The following CNTN3 variants were observed in gnomAD, a reference collection of about 807,000 sequenced individuals.
CNTN3 encodes the protein contactin 3.
A neutral mutation model predicts 119.1 loss-of-function variants in CNTN3; 60 were observed. That is an observed-to-expected ratio of 0.50 (90% CI 0.41 to 0.62). CNTN3 has a LOEUF of 0.62. Among genes scored for constraint, CNTN3 ranks in the 20% least tolerant of loss-of-function variants. CNTN3 has a pLI of 0.00. For synonymous variants in CNTN3, 450 were observed against 438.7 expected (o/e 1.03, Z -0.32); for missense variants, 1,101 against 1,242.4 (o/e 0.89, Z 1.71).
chr3:74,367,438 C>G (rs1704225650), intron 8 of CNTN3, among the ~76,000 whole-genome samples: 1 of 152,002 alleles, frequency 6.6e-6, no homozygotes. Context: ...AGAAACATGA[C>G]ATTATTCTCT....
chr3:74,524,950 A>G (rs1703594730), intron 1 of CNTN3, among the ~76,000 whole-genome samples: 1 of 151,902 alleles, frequency 6.6e-6, no homozygotes, highest in East Asian at 1.9e-4. Flanking sequence ...CACGTGGCAA[A>G]GCTCAGCGTG....
chr3:74,446,762 T>A (rs149856089), intron 4 of CNTN3, among the ~76,000 whole-genome samples: 1 of 151,744 alleles, frequency 6.6e-6, no homozygotes, highest in East Asian at 1.9e-4. Flanking sequence ...TATATTTCTA[T>A]TGGACAGTGC....
rs758833846 is a variant in CNTN3, at chr3:74,369,265, T to C, written c.870A>G (p.Glu290=). ...GVLEIPNFQQ[E]DAGSYECIAE... The stretch of plus-strand genomic sequence containing the variant: ...CAATGCATTCATAGGAACCTGCATC[T>C]TCCTGTTGGAAGTTGGGGATTTCAA... The change falls in exon 8 of 23, where the codon GAA becomes GAG. Residue 290 remains glutamate, a synonymous_variant. Coordinates refer to ENST00000263665, the MANE Select transcript of CNTN3 (RefSeq NM_020872.3). 1.4e-5 allele frequency: 22 copies of C among 1,611,606 alleles called. No homozygotes were observed. Among genetic ancestry groups the C allele is most frequent in the Non-Finnish European group, 1.9e-5 (22 of 1,178,882 alleles).
chr3:74,403,697 T>C (rs1364723395), intron 5 of CNTN3, among the ~76,000 whole-genome samples: 1 of 152,130 alleles, frequency 6.6e-6, no homozygotes, highest in Non-Finnish European at 1.5e-5. Context: ...TTATAAGAAA[T>C]AGGAGCCTAT....
In CNTN3 at chr3:74,366,581, T is replaced by C. The variant is rs117544096; in HGVS notation, c.947-879A>G. ...GTGTACTGTGGGATTCACATTTGCA[T>C]CCTCCATATGGAGAAACAGTTTATC... On this transcript the variant is annotated intron_variant, in intron 8 of 22. Transcript: ENST00000263665. 5.4e-3 allele frequency among the ~76,000 whole-genome samples: 827 copies of C among 151,802 alleles called. 23 individuals carry two copies. The highest frequency in any genetic ancestry group is 0.04 in the Admixed American group (605 of 15,172).
chr3:74,559,044 A>T (rs2107171462), intron 1 of CNTN3, among the ~76,000 whole-genome samples: 1 of 151,204 alleles, frequency 6.6e-6, no homozygotes, highest in African/African-American at 2.4e-5. Flanking sequence ...TAACTAAATA[A>T]CCTAAGGCAT....
At chr3:74,355,372 G>T (rs775182724) in intron 11 of CNTN3, among the ~76,000 whole-genome samples, 54 of 152,168 alleles carry the variant, frequency 3.5e-4, no homozygotes, top group Non-Finnish European at 5.1e-4. Context: ...GTTTTGCTCA[G>T]ACAGGTGGAT....
At position 74,361,920 on chromosome 3, in the gene CNTN3, T is replaced by C. The variant is rs1354914994; in HGVS notation, c.1334A>G (p.Lys445Arg). Residue 445 changes from lysine to arginine, a missense_variant, in exon 11 of 23, where the codon AAG becomes AGG. Lys to Arg is a conservative substitution (Grantham distance 26, BLOSUM62 2). Coordinates refer to ENST00000263665, the MANE Select transcript of CNTN3 (RefSeq NM_020872.3). ...ASPRALSSWK[K>R]GDVSVQEHER... ...ATGCTCCTGCACGCTCACATCCCCC[T>C]TCTTCCAGGAAGAGAGTGCCCTTGG... 4 of 1,613,546 alleles carry C rather than the reference T, an allele frequency of 2.5e-6. No individual in the cohort carries two copies. Among genetic ancestry groups the C allele is most frequent in the Non-Finnish European group, 3.4e-6 (4 of 1,179,656 alleles).
rs558312085 is a variant in CNTN3, at chr3:74,591,102, TAC to T, written c.-81+23287_-81+23288del. Among the ~76,000 whole-genome samples, 607 of 152,044 alleles carry T rather than the reference TAC, an allele frequency of 4.0e-3. 6 individuals are homozygous for T. Among genetic ancestry groups the T allele is most frequent in the African/African-American group, 0.014 (577 of 41,496 alleles). ...TCCGGTGTAGTCACGGCTAATCATT[TAC>T]AGAGTAAAACAACAGATTATATTAC... On this transcript the variant is annotated intron_variant, in intron 1 of 22. Coordinates refer to ENST00000263665, the MANE Select transcript of CNTN3 (RefSeq NM_020872.3).
At chr3:74,538,299 C>T (rs900467482) in intron 1 of CNTN3, among the ~76,000 whole-genome samples, 2 of 151,970 alleles carry the variant, frequency 1.3e-5, no homozygotes, top group Non-Finnish European at 2.9e-5. Context: ...TTGTTGGGTG[C>T]AATAAGAATG....
At chr3:74,428,867 T>C (rs1701738620) in intron 4 of CNTN3, among the ~76,000 whole-genome samples, 1 of 152,154 alleles carries the variant, frequency 6.6e-6, no homozygotes, top group Admixed American at 6.6e-5. Context: ...GTACTGTACA[T>C]TTTCTATGCT....
At chr3:74,407,825 C>T (rs1403669216) in intron 5 of CNTN3, among the ~76,000 whole-genome samples, 1 of 152,124 alleles carries the variant, frequency 6.6e-6, no homozygotes, top group Non-Finnish European at 1.5e-5. Context: ...GATGGTAGCA[C>T]TCCTCAGGGC....
At chr3:74,356,138 C>A (rs1372882850) in intron 11 of CNTN3, among the ~76,000 whole-genome samples, 5 of 152,028 alleles carry the variant, frequency 3.3e-5, no homozygotes, top group African/African-American at 9.7e-5. Flanking sequence ...GCCCCTTCTA[C>A]CATGTGAGGA....
At chr3:74,392,058 G>A (rs1180949990) in intron 5 of CNTN3, among the ~76,000 whole-genome samples, 1 of 151,950 alleles carries the variant, frequency 6.6e-6, no homozygotes, top group Non-Finnish European at 1.5e-5. Flanking sequence ...TGAGATGGGG[G>A]AAAAATATGA....
chr3:74,264,418 C>T lies in CNTN3; in HGVS notation c.3070G>A (p.Val1024Ile). The change falls in exon 23 of 23, where the codon GTA (valine) becomes ATA (isoleucine). Residue 1024 changes from valine (V) to isoleucine (I), a missense_variant. Val to Ile is a conservative substitution (Grantham distance 29, BLOSUM62 3). Coordinates refer to ENST00000263665, the MANE Select transcript of CNTN3 (RefSeq NM_020872.3). ...SYMPIVLFLIVYVLW is the reference protein window; with the variant it reads ...SYMPIVLFLIIYVLW ...AGTTAATATCACCACAGGACATATA[C>T]AATTAAGAACAGTACTATAGGCATA... is the stretch of plus-strand genomic sequence containing the variant. 6.3e-7 allele frequency: 1 copy of T among 1,589,862 alleles called. No homozygotes were observed. Among genetic ancestry groups the T allele is most frequent in the Non-Finnish European group, 8.6e-7 (1 of 1,165,562 alleles).
chr3:74,407,658 G>T (rs1701358041), intron 5 of CNTN3, among the ~76,000 whole-genome samples: 1 of 151,966 alleles, frequency 6.6e-6, no homozygotes, highest in Non-Finnish European at 1.5e-5. Flanking sequence ...GAAAACACTG[G>T]GGAGTGGACG....
chr3:74,431,547 T>C (rs566134432), intron 4 of CNTN3, among the ~76,000 whole-genome samples: 5 of 152,188 alleles, frequency 3.3e-5, no homozygotes, highest in Admixed American at 6.5e-5. Context: ...ATATAAACTA[T>C]GGACAAATAA....
rs1381154886 is a variant in CNTN3 at position 74,364,317 on chromosome 3, C to T, written c.1213+150G>A. The T allele has an allele frequency of 8.6e-6, 6 of 694,338 alleles. No homozygotes were observed. The South Asian group carries it at 1.2e-4, about 14-fold the overall frequency. The allele number at this position is 694,338 out of a possible 1,614,324, so 43.0% of individuals were successfully genotyped here. On this transcript the variant is annotated intron_variant, in intron 10 of 22. Coordinates refer to ENST00000263665, the MANE Select transcript of CNTN3 (RefSeq NM_020872.3). ...TCCTTAGAAACTGTTAAAAGGTATGCCTTGATTAGAAACTGAATGATCGTG... is the reference window on the plus strand; with the variant it reads ...TCCTTAGAAACTGTTAAAAGGTATGTCTTGATTAGAAACTGAATGATCGTG...
At chr3:74,508,439 C>T (rs562666900) in intron 2 of CNTN3, among the ~76,000 whole-genome samples, 12 of 152,080 alleles carry the variant, frequency 7.9e-5, no homozygotes, top group African/African-American at 2.9e-4. Context: ...CTATGGGGTG[C>T]GGAGATTGGG....
Sources: gnomAD v4.1 joint callset for allele counts (sites outside exome capture counted in the v4.1 genomes callset) on GRCh38, gnomAD v4.1.1 for gene constraint, MANE v1.5 for transcripts, NCBI Gene and HGNC (gene_info 2026-07-23, HGNC 2026-07-21) for gene names.